SIPA1L2: variants seen among roughly 807,000 people sequenced by gnomAD.
SIPA1L2 encodes signal-induced proliferation-associated 1-like protein 2.
SIPA1L2 carries 56 observed loss-of-function variants against 163.9 expected under a neutral mutation model. That is an observed-to-expected ratio of 0.34 (90% CI 0.28 to 0.43). The LOEUF (loss-of-function observed/expected upper bound fraction) is 0.43. Ranked by LOEUF, SIPA1L2 falls within the 20% of genes least tolerant of loss-of-function variation. The pLI, the probability that SIPA1L2 is intolerant of heterozygous loss-of-function variation, is 1.00. For synonymous variants in SIPA1L2, 877 were observed against 865.7 expected, an observed-to-expected ratio of 1.01 and a Z score of -0.23; for missense variants, 1,974 against 2,193.5, an observed-to-expected ratio of 0.90 and a Z score of 2.00.
At chr1:232,490,606 T>C in intron 5 of SIPA1L2, 1 of 347,644 alleles carries the variant, frequency 2.9e-6, no homozygotes, top group East Asian at 5.3e-5. Context: ...CTATTAATCA[T>C]GCAATCAGAT....
chr1:232,449,730 A>G (rs12735257), intron 10 of SIPA1L2, among the ~76,000 whole-genome samples: 23,458 of 147,990 alleles, frequency 0.16, 2,179 homozygotes, highest in Non-Finnish European at 0.22. Context: ...AATGGTCCAC[A>G]TGAAAACACA....
intron 1 of SIPA1L2, among the ~76,000 whole-genome samples, chr1:232,592,467 T>C (rs1661017243): frequency 6.6e-6 from 1 of 152,220 alleles, no homozygotes; most frequent in Non-Finnish European, 1.5e-5. Context: ...AAAATACAAG[T>C]ATTCTTTTAT....
Position 232,501,050 on chromosome 1 carries a change from A to ATTTT in SIPA1L2, c.1484-7394_1484-7391dup, listed in dbSNP as rs60008360. On this transcript the variant is annotated intron_variant, in intron 3 of 22. Transcript: ENST00000674635. ...TGTTAGCACTTTTTAGCAATGAAGT[A>ATTTT]TTTTTTTTTTTTTTTTTTTTTTTGT... is the stretch of plus-strand genomic sequence containing the variant. 1.4e-3 allele frequency among the ~76,000 whole-genome samples: 108 copies of ATTTT among 78,428 alleles called. 9 individuals carry two copies. The highest frequency in any genetic ancestry group is 0.013 in the Middle Eastern group (1 of 78). 51.5% of individuals were successfully genotyped at this position (78,428 alleles called of 152,430 possible).
intron 2 of SIPA1L2, among the ~76,000 whole-genome samples, chr1:232,535,760 G>A (rs990015732): frequency 2.6e-5 from 4 of 152,134 alleles, no homozygotes; most frequent in African/African-American, 9.7e-5. Context: ...TATCATTGAT[G>A]TCTTTTAACA....
intron 2 of SIPA1L2, among the ~76,000 whole-genome samples, chr1:232,544,237 C>T (rs1047578563): frequency 6.6e-6 from 1 of 152,106 alleles, no homozygotes; most frequent in Non-Finnish European, 1.5e-5. Flanking sequence ...ATGTTTTACA[C>T]GATTTAATGG....
chr1:232,569,525 G>T (rs1216489829), intron 2 of SIPA1L2, among the ~76,000 whole-genome samples: 1 of 152,140 alleles, frequency 6.6e-6, no homozygotes, highest in African/African-American at 2.4e-5. Context: ...TTTAAAAATC[G>T]ATGAAGGCCA....
intron 2 of SIPA1L2, among the ~76,000 whole-genome samples, chr1:232,543,698 C>A (rs1346525292): frequency 6.6e-6 from 1 of 152,072 alleles, no homozygotes; most frequent in Non-Finnish European, 1.5e-5. Context: ...GCAGGCCCTA[C>A]CTTTACAAAA....
Position 232,435,244 on chromosome 1 carries a change from C to A in SIPA1L2, c.4032-2773G>T, listed in dbSNP as rs149912017. 6.9e-4 allele frequency among the ~76,000 whole-genome samples: 105 copies of A among 152,320 alleles called. No homozygotes were observed. In the Middle Eastern group the frequency reaches 0.014, roughly 20 times the overall value. On this transcript the variant is annotated intron_variant, in intron 15 of 22. Coordinates refer to ENST00000674635, the MANE Select transcript of SIPA1L2 (RefSeq NM_020808.5). ...AATGTATAGGTAATGATAGCGTGAT[C>A]ACAAACTCTATGTATTTTTCCATTT...
chr1:232,506,598 T>C (rs1406889592), intron 3 of SIPA1L2, among the ~76,000 whole-genome samples: 1 of 152,236 alleles, frequency 6.6e-6, no homozygotes, highest in Non-Finnish European at 1.5e-5. Context: ...ACACAAATTC[T>C]AGAAGAATCA....
At chr1:232,466,424 T>C (rs1664515262) in intron 8 of SIPA1L2, among the ~76,000 whole-genome samples, 1 of 152,214 alleles carries the variant, frequency 6.6e-6, no homozygotes, top group Non-Finnish European at 1.5e-5. Flanking sequence ...CTCCCCTACA[T>C]CAGAGAGTTG....
chr1:232,482,414 G>A (rs1665406793), intron 6 of SIPA1L2, among the ~76,000 whole-genome samples: 2 of 151,140 alleles, frequency 1.3e-5, no homozygotes, highest in African/African-American at 4.9e-5. Flanking sequence ...TCTAGGGGGT[G>A]AATGGTTGTT....
intron 5 of SIPA1L2, 56 bp downstream of exon 5, chr1:232,490,818 C>A: frequency 6.6e-7 from 1 of 1,521,984 alleles, no homozygotes; most frequent in Non-Finnish European, 8.8e-7. Context: ...AACTCCAAAA[C>A]TTTCAGAAAC....
At chr1:232,481,369 A>G (rs73095127) in intron 6 of SIPA1L2, among the ~76,000 whole-genome samples, 1,600 of 152,262 alleles carry the variant, frequency 0.011, 32 homozygotes, top group African/African-American at 0.037. Flanking sequence ...CACCCATCAC[A>G]ACACTGCTGT....
intron 1 of SIPA1L2, among the ~76,000 whole-genome samples, chr1:232,581,856 C>A (rs1660395508): frequency 6.6e-6 from 1 of 152,140 alleles, no homozygotes; most frequent in Non-Finnish European, 1.5e-5. Context: ...GCCCCATATT[C>A]CCCACAAAAC....
In SIPA1L2 at chr1:232,442,473, G is replaced by A. The variant is rs1451909377; in HGVS notation, c.3438-605C>T. 1.1e-4 allele frequency among the ~76,000 whole-genome samples: 16 copies of A among 151,030 alleles called. No individual in the cohort carries two copies. In the East Asian group the frequency reaches 2.5e-3, roughly 24 times the overall value. ...TGAGGCAGGAGAACTGCTTGAACCC[G>A]GGAGGCAGAGGTTGCAGTGAGCCAA... On this transcript the variant is annotated intron_variant, in intron 12 of 22. Transcript: ENST00000674635.
In SIPA1L2 at chr1:232,461,044, C is replaced by T; in HGVS notation, c.2938G>A (p.Ala980Thr). Residue 980 changes from alanine (A) to threonine (T), a missense_variant, in exon 10 of 23, where the codon GCC (alanine) becomes ACC (threonine). Physicochemically the swap from Ala to Thr is moderately conservative, Grantham distance 58. Coordinates refer to ENST00000674635, the MANE Select transcript of SIPA1L2 (RefSeq NM_020808.5). ...IVADVEPFGF[A>T]WKAGLRQGSR... ...CCTTGGCGAAGGCCAGCCTTCCAGG[C>T]AAAGCCAAAAGGTTCCACATCTGCG... 6.2e-7 allele frequency: 1 copy of T among 1,614,270 alleles called. No homozygotes were observed. Among genetic ancestry groups the T allele is most frequent in the Non-Finnish European group, 8.5e-7 (1 of 1,180,048 alleles).
chr1:232,423,310 A>C (rs1028842632), intron 18 of SIPA1L2, among the ~76,000 whole-genome samples: 28 of 152,206 alleles, frequency 1.8e-4, no homozygotes, highest in African/African-American at 6.5e-4. Flanking sequence ...GCCCCATCGT[A>C]AGTCAAGGAG....
At chr1:232,453,617 GA>G (rs1384516928) in intron 10 of SIPA1L2, among the ~76,000 whole-genome samples, 2 of 152,060 alleles carry the variant, frequency 1.3e-5, no homozygotes. Flanking sequence ...GAGGTACAAA[GA>G]AAATCTCCAT....
At chr1:232,461,632 C>T (rs1325811665) in intron 9 of SIPA1L2, among the ~76,000 whole-genome samples, 2 of 152,142 alleles carry the variant, frequency 1.3e-5, no homozygotes, top group Non-Finnish European at 2.9e-5. Flanking sequence ...TTTCAACCAG[C>T]AAGCACTAAA....
Sources: allele counts gnomAD v4.1 joint callset (sites outside exome capture counted in the v4.1 genomes callset), GRCh38; gene constraint gnomAD v4.1.1; transcripts MANE v1.5; gene names NCBI Gene and HGNC (gene_info 2026-07-23, HGNC 2026-07-21).